The following ARHGAP6 variants were observed in gnomAD, a reference collection of about 807,000 sequenced individuals.
The protein encoded by ARHGAP6 is Rho GTPase activating protein 6.
ARHGAP6 carries 16 observed loss-of-function variants against 55.7 expected under a neutral mutation model. The ratio of observed to expected loss-of-function variants is 0.29; its 90% CI spans 0.19 to 0.44. The LOEUF (loss-of-function observed/expected upper bound fraction) is 0.44, where lower values mean the gene tolerates loss of function less well. Among genes scored for constraint, ARHGAP6 ranks in the 20% least tolerant of loss-of-function variants. The probability of loss-of-function intolerance (pLI) is 1.00; values close to 1 mark genes in which losing one functional copy is unlikely to be tolerated. For missense variants in ARHGAP6, 698 were observed against 808.9 expected, an observed-to-expected ratio of 0.86 and a Z score of 1.66; for synonymous variants, 382 against 360.9, an observed-to-expected ratio of 1.06 and a Z score of -0.66.
intron 2 of ARHGAP6, among the ~76,000 whole-genome samples, chrX:11,243,520 A>G (rs1322983890): frequency 8.9e-6 from 1 of 112,382 alleles, no homozygotes; most frequent in Admixed American, 9.4e-5. Context: ...TTACCCATTT[A>G]ATGCATAACT....
intron 1 of ARHGAP6, among the ~76,000 whole-genome samples, chrX:11,593,515 G>A (rs750875340): frequency 8.9e-6 from 1 of 111,947 alleles, no homozygotes; most frequent in African/African-American, 3.2e-5. Context: ...TGGTGGACAC[G>A]TGTTATACAT....
intron 9 of ARHGAP6, among the ~76,000 whole-genome samples, chrX:11,161,654 G>T (rs1167701278): frequency 6.3e-5 from 7 of 111,804 alleles, no homozygotes. Context: ...TGTTTTATTA[G>T]AAATAGATGA....
chrX:11,298,432 G>T, intron 1 of ARHGAP6: 5 of 1,150,154 alleles, frequency 4.3e-6, no homozygotes, highest in Non-Finnish European at 5.9e-6. Context: ...ACAAATTTTT[G>T]CAAAGGAAAA....
intron 1 of ARHGAP6, among the ~76,000 whole-genome samples, chrX:11,351,047 T>TACAC (rs35026703): frequency 0.036 from 3,197 of 87,909 alleles, 76 homozygotes; most frequent in African/African-American, 0.077. Context: ...ATATTCAAAT[T>TACAC]ACACACACAC....
intron 1 of ARHGAP6, among the ~76,000 whole-genome samples, chrX:11,629,948 C>T (rs1168095170): frequency 9.0e-6 from 1 of 111,621 alleles, no homozygotes; most frequent in Non-Finnish European, 1.9e-5. Context: ...TCCCAGCAGG[C>T]ATATGGCACT....
intron 1 of ARHGAP6, among the ~76,000 whole-genome samples, chrX:11,419,847 G>A (rs2049797358): frequency 8.9e-6 from 1 of 112,740 alleles, no homozygotes; most frequent in Non-Finnish European, 1.9e-5. Context: ...TACTTCTGTT[G>A]CTGTTGCCAT....
rs2050088455 is a variant in ARHGAP6, at chrX:11,445,947, G to A, written c.589-191240C>T. Among the ~76,000 whole-genome samples the A allele has an allele frequency of 2.7e-5, 3 of 111,490 alleles. No individual in the cohort carries two copies. In the South Asian group the frequency reaches 1.2e-3, roughly 43 times the overall value. On this transcript the variant is annotated intron_variant, in intron 1 of 12. Transcript: ENST00000337414. ...AACCTTATGCCCTGTGGTTGGTTCA[G>A]AAGAAAGACCCAGTCTCACAGGTTG...
intron 9 of ARHGAP6, among the ~76,000 whole-genome samples, chrX:11,163,599 ACACTAAAAGAAAT>A (rs2045978535): frequency 1.8e-5 from 2 of 112,591 alleles, no homozygotes; most frequent in East Asian, 5.6e-4. Flanking sequence ...GTTAACAAAC[ACACTAAAAGAAAT>A]CACTTTGGCT....
intron 1 of ARHGAP6, among the ~76,000 whole-genome samples, chrX:11,479,096 G>A (rs2050431120): frequency 8.9e-6 from 1 of 112,075 alleles, no homozygotes; most frequent in Non-Finnish European, 1.9e-5. Flanking sequence ...CCACTTTAAC[G>A]AAAGGCGGCT....
At chrX:11,262,757 A>G (rs892162017) in intron 1 of ARHGAP6, among the ~76,000 whole-genome samples, 2 of 111,663 alleles carry the variant, frequency 1.8e-5, no homozygotes, top group African/African-American at 6.5e-5. Context: ...TACTTTTTGC[A>G]TAATAAAAGT....
intron 1 of ARHGAP6, among the ~76,000 whole-genome samples, chrX:11,362,046 C>T (rs1184875266): frequency 3.6e-4 from 40 of 111,883 alleles, no homozygotes; most frequent in African/African-American, 1.3e-3. Flanking sequence ...AACACTTTTA[C>T]ACTGTTGGTG....
intron 1 of ARHGAP6, among the ~76,000 whole-genome samples, chrX:11,389,472 A>C (rs2147735538): frequency 8.9e-6 from 1 of 112,634 alleles, no homozygotes; most frequent in South Asian, 3.7e-4. Context: ...AACATTGGCC[A>C]ACCAAGTGAA....
intron 10 of ARHGAP6, among the ~76,000 whole-genome samples, chrX:11,149,296 G>C (rs1182764165): frequency 8.9e-6 from 1 of 111,853 alleles, no homozygotes; most frequent in Non-Finnish European, 1.9e-5. Context: ...GAAGGTGTGA[G>C]GAAGGAAGGG....
intron 1 of ARHGAP6, among the ~76,000 whole-genome samples, chrX:11,600,187 C>T (rs1207304728): frequency 9.0e-6 from 1 of 111,424 alleles, no homozygotes. Context: ...CCTGGGAATC[C>T]AAGGTAAGCC....
chrX:11,426,280 C>T (rs1050456762), intron 1 of ARHGAP6, among the ~76,000 whole-genome samples: 1 of 111,427 alleles, frequency 9.0e-6, no homozygotes, highest in Non-Finnish European at 1.9e-5. Context: ...CGAGGTGACA[C>T]CAGGAACCAA....
intron 2 of ARHGAP6, chrX:11,225,790 T>C (rs1602910630): frequency 7.8e-6 from 3 of 382,294 alleles, no homozygotes; most frequent in Non-Finnish European, 1.3e-5. Context: ...TACGTTCTTA[T>C]AAAATACAAC....
At chrX:11,620,704 T>C (rs181399923) in intron 1 of ARHGAP6, among the ~76,000 whole-genome samples, 1 of 111,456 alleles carries the variant, frequency 9.0e-6, no homozygotes, top group Non-Finnish European at 1.9e-5. Context: ...CAAGGGGGAG[T>C]CAGTGACTTT....
intron 1 of ARHGAP6, among the ~76,000 whole-genome samples, chrX:11,642,823 G>T (rs763696781): frequency 2.7e-4 from 30 of 111,222 alleles, no homozygotes; most frequent in Non-Finnish European, 5.5e-4. Context: ...TGGGCACAAG[G>T]TTTCTTCTTG....
At chrX:11,232,871 T>C (rs760785644) in intron 2 of ARHGAP6, among the ~76,000 whole-genome samples, 2 of 111,686 alleles carry the variant, frequency 1.8e-5, no homozygotes, top group Non-Finnish European at 3.8e-5. Flanking sequence ...TCAAACCCTG[T>C]ATTGTGGCTG....
Sources: allele counts gnomAD v4.1 joint callset (sites outside exome capture counted in the v4.1 genomes callset), GRCh38; gene constraint gnomAD v4.1.1; transcripts MANE v1.5; gene names NCBI Gene and HGNC (gene_info 2026-07-23, HGNC 2026-07-21).